BOP1: variants seen among roughly 807,000 people sequenced by gnomAD.
BOP1 encodes BOP1 ribosomal biogenesis factor.
Under a neutral mutation model 82.9 loss-of-function variants are expected in BOP1, and 54 were observed. That is an observed-to-expected ratio of 0.65 (90% CI 0.52 to 0.82). BOP1 has a LOEUF of 0.82. BOP1 is among the 40% of genes least tolerant of loss of function. BOP1 has a pLI of 0.00. For synonymous variants in BOP1, 566 were observed against 451.1 expected (o/e 1.25, Z -3.23); for missense variants, 1,170 against 1,072.0 (o/e 1.09, Z -1.28).
At chr8:144,264,482 C>T (rs1845310463) in intron 6 of BOP1, 33 bp downstream of exon 6, 4 of 1,608,130 alleles carry the variant, frequency 2.5e-6, no homozygotes, top group South Asian at 1.1e-5. Context: ...GGGCGGTCAG[C>T]CCAGGCCAAG....
chr8:144,267,576 C>G (rs1845405869), intron 3 of BOP1, among the ~76,000 whole-genome samples: 1 of 152,244 alleles, frequency 6.6e-6, no homozygotes, highest in Non-Finnish European at 1.5e-5. Context: ...AGGAAGGACC[C>G]CGGGTTCTTA....
chr8:144,291,298 C>A lies in BOP1; in HGVS notation c.73G>T (p.Glu25Ter). ...TCCGGCTCGGGCTCAGGCTCCAGTT[C>A]GGGCTCAGACCGCCGCTTCTCCGGC... is the stretch of plus-strand genomic sequence containing the variant. ...VRPEKRRSEP[E>*]LEPEPEPEPP... The change falls in exon 1 of 16, where the codon GAA becomes TAA. Residue 25 changes from glutamate to a stop codon, truncating the protein, a stop_gained. Transcript: ENST00000569669. LOFTEE classifies it high-confidence loss of function. The surrounding 1 kb of genome is among the most constrained non-coding windows in gnomAD (Gnocchi z 4.1). 6.9e-7 allele frequency: 1 copy of A among 1,450,506 alleles called. No homozygotes were observed. 89.9% of individuals were successfully genotyped at this position (1,450,506 alleles called of 1,614,324 possible).
Position 144,271,090 on chromosome 8 carries a change from G to A in BOP1, c.390+5134C>T, listed in dbSNP as rs929410732. Among the ~76,000 whole-genome samples the A allele has an allele frequency of 1.5e-4, 23 of 151,848 alleles. No individual in the cohort carries two copies. The East Asian group carries it at 2.5e-3, about 17-fold the overall frequency. ...CCCGCACGGAGAGCCCCGGCCGGCC[G>A]GCCGGGGGCACACACAGACCCAGCA... On this transcript the variant is annotated intron_variant, in intron 3 of 15. Coordinates refer to ENST00000569669, the MANE Select transcript of BOP1 (RefSeq NM_015201.5).
rs1010664846 is a variant in BOP1, at chr8:144,265,221, C to G, written c.391-150G>C. On this transcript the variant is annotated intron_variant, in intron 3 of 15. Transcript: ENST00000569669. Reference sequence around the variant, plus strand: ...TCACTGGCCCTGACCTACGCCTGTTCCCCAGCCCTGGGGTCTGACGTGGCA... The same window carrying G: ...TCACTGGCCCTGACCTACGCCTGTTGCCCAGCCCTGGGGTCTGACGTGGCA... 1.8e-5 allele frequency: 16 copies of G among 897,532 alleles called. 1 individual carries two copies. In the South Asian group the frequency reaches 2.2e-4, roughly 12 times the overall value. 55.6% of individuals were successfully genotyped at this position (897,532 alleles called of 1,614,324 possible). A position where few individuals can be genotyped will look rare whatever the true frequency, so the allele number is the denominator to read the frequency against.
At chr8:144,274,957 C>T (rs985328004) in intron 3 of BOP1, among the ~76,000 whole-genome samples, 2 of 152,216 alleles carry the variant, frequency 1.3e-5, no homozygotes, top group South Asian at 2.1e-4. Flanking sequence ...GCGTGGCCCC[C>T]CCGCTCTGAG....
intron 3 of BOP1, among the ~76,000 whole-genome samples, chr8:144,275,098 G>T (rs1357140792): frequency 6.6e-6 from 1 of 152,108 alleles, no homozygotes; most frequent in East Asian, 1.9e-4. Flanking sequence ...GAAGGATGGG[G>T]GAAGAACCTG....
intron 2 of BOP1, among the ~76,000 whole-genome samples, chr8:144,284,174 T>C (rs956639411): frequency 6.6e-6 from 1 of 152,006 alleles, no homozygotes; most frequent in African/African-American, 2.4e-5. Flanking sequence ...GCGGGGACCC[T>C]GTAGTCCCAG....
At chr8:144,265,246 A>G in intron 3 of BOP1, 175 bp from the exon 4 acceptor site, 1 of 746,082 alleles carries the variant, frequency 1.3e-6, no homozygotes, top group South Asian at 1.8e-5. Flanking sequence ...CTGACGTGGC[A>G]TGGCGGCCAC....
intron 3 of BOP1, among the ~76,000 whole-genome samples, chr8:144,267,690 C>T (rs973737650): frequency 2.0e-4 from 30 of 152,238 alleles, no homozygotes; most frequent in East Asian, 5.8e-4. Flanking sequence ...CTGCCCGAGA[C>T]GTGGGCCATG....
At chr8:144,278,246 G>A (rs1554838544) in intron 2 of BOP1, among the ~76,000 whole-genome samples, 1 of 152,080 alleles carries the variant, frequency 6.6e-6, no homozygotes, top group African/African-American at 2.4e-5. Flanking sequence ...AGGACGAGGT[G>A]CCAGCAGGAT....
At chr8:144,268,129 C>A in intron 3 of BOP1, 1 of 1,551,808 alleles carries the variant, frequency 6.4e-7, no homozygotes, top group East Asian at 2.4e-5. Context: ...AGAAAGACAG[C>A]GATTCGCAGT....
In BOP1 at chr8:144,264,967, G is replaced by A; in HGVS notation, c.495C>T (p.Thr165=). The A allele has an allele frequency of 6.2e-7, 1 of 1,612,376 alleles. No individual in the cohort carries two copies. Among genetic ancestry groups the A allele is most frequent in the Non-Finnish European group, 8.5e-7 (1 of 1,179,740 alleles). The change falls in exon 4 of 16, where the codon ACC becomes ACT. Residue 165 remains threonine (T), a synonymous_variant. Transcript: ENST00000569669. ...DGRRIYKPLR[T]RDELDQFLDK... ...CCAGGAACTGGTCCAGCTCATCCCG[G>A]GTCCGCAGGGGCTTGTAGATGCGCC...
chr8:144,277,916 C>T (rs67974605), intron 2 of BOP1, among the ~76,000 whole-genome samples: 79,689 of 130,140 alleles, frequency 0.61, 21,520 homozygotes, highest in South Asian at 0.68. Flanking sequence ...TTTTTTTTAA[C>T]TTAAAAATTA....
At chr8:144,273,267 G>A in intron 3 of BOP1, among the ~76,000 whole-genome samples, 1 of 152,338 alleles carries the variant, frequency 6.6e-6, no homozygotes, top group East Asian at 1.9e-4. Flanking sequence ...CGAGAGCAGA[G>A]GGGACCACGG....
In BOP1 at chr8:144,268,087, C is replaced by G. The variant is rs1297468961; in HGVS notation, c.391-3016G>C. On this transcript the variant is annotated intron_variant, in intron 3 of 15. Coordinates refer to ENST00000569669, the MANE Select transcript of BOP1 (RefSeq NM_015201.5). ...TGGGCTCTGCCGGGGCCTGACACTC[C>G]TCCCTCCCCTCTGCAGAGCAAGGAC... is the stretch of plus-strand genomic sequence containing the variant. 11 of 1,550,312 alleles carry G rather than the reference C, an allele frequency of 7.1e-6. No homozygotes were observed. In the East Asian group the frequency reaches 2.7e-4, roughly 38 times the overall value.
At chr8:144,277,016 C>A (rs1362723551) in intron 2 of BOP1, among the ~76,000 whole-genome samples, 1 of 152,218 alleles carries the variant, frequency 6.6e-6, no homozygotes, top group Non-Finnish European at 1.5e-5. Flanking sequence ...AGATTCTGCC[C>A]TCGACTGCGG....
intron 2 of BOP1, among the ~76,000 whole-genome samples, chr8:144,281,053 C>T (rs1225903629): frequency 3.3e-4 from 49 of 150,330 alleles, no homozygotes; most frequent in African/African-American, 9.8e-4. Context: ...CTTAGGCCTT[C>T]TCTCACTTTC....
Position 144,281,264 on chromosome 8 carries a change from C to T in BOP1, c.310-4960G>A, listed in dbSNP as rs1265978484. Among the ~76,000 whole-genome samples, 17 of 7,408 alleles carry T rather than the reference C, an allele frequency of 2.3e-3. 7 individuals carry two copies. The highest frequency in any genetic ancestry group is 4.0e-3 in the Non-Finnish European group (14 of 3,478). The allele number at this position is 7,408 out of a possible 152,430, so 4.9% of individuals were successfully genotyped here. On this transcript the variant is annotated intron_variant, in intron 2 of 15. Coordinates refer to ENST00000569669, the MANE Select transcript of BOP1 (RefSeq NM_015201.5). ...GTTTAATACCAGGTCTTCGGCCTTC[C>T]CTCAGTTTAATACCAGGTCTTCGGC...
intron 1 of BOP1, among the ~76,000 whole-genome samples, chr8:144,289,888 A>T (rs1814985639): frequency 6.6e-6 from 1 of 152,228 alleles, no homozygotes; most frequent in African/African-American, 2.4e-5. Context: ...TTGGCTGAAG[A>T]GTCACAGGAA....
Sources: allele counts gnomAD v4.1 joint callset (sites outside exome capture counted in the v4.1 genomes callset), GRCh38; gene constraint gnomAD v4.1.1; non-coding constraint Gnocchi (gnomAD v3.1); transcripts MANE v1.5; gene names NCBI Gene and HGNC (gene_info 2026-07-23, HGNC 2026-07-21).